PCLO: variants seen among roughly 807,000 people sequenced by gnomAD.
PCLO encodes piccolo presynaptic cytomatrix protein.
PCLO carries 82 observed loss-of-function variants against 427.5 expected under a neutral mutation model. The observed-to-expected ratio is 0.19, with a 90% CI of 0.16 to 0.23. The LOEUF is 0.23. PCLO is among the 10% of genes least tolerant of loss of function. PCLO has a pLI of 1.00. For missense variants in PCLO, 6,239 were observed against 6,115.9 expected (o/e 1.02, Z -0.67); for synonymous variants, 2,357 against 2,155.4 (o/e 1.09, Z -2.59).
At chr7:83,099,316 GA>G (rs895576739) in intron 3 of PCLO, among the ~76,000 whole-genome samples, 3 of 137,574 alleles carry the variant, frequency 2.2e-5, no homozygotes, top group African/African-American at 5.4e-5. Flanking sequence ...GATTATGAAA[GA>G]AAAAAAAATG....
At chr7:82,899,953 T>C (rs1057465787) in intron 9 of PCLO, among the ~76,000 whole-genome samples, 2 of 151,578 alleles carry the variant, frequency 1.3e-5, no homozygotes, top group African/African-American at 4.8e-5. Context: ...GAAAAAATAA[T>C]TTTGGCATTG....
chr7:82,841,051 C>A (rs1792354045), intron 14 of PCLO, among the ~76,000 whole-genome samples: 1 of 151,420 alleles, frequency 6.6e-6, no homozygotes, highest in Non-Finnish European at 1.5e-5. Context: ...ATGAAAAATA[C>A]TTCTCTACAA....
Position 82,965,914 on chromosome 7 carries a change from GTGGTTGTTTCCCTTCTTGCAC to G in PCLO, c.3853_3873del (p.Val1285_Pro1291del). On this transcript the variant is annotated inframe_deletion, in exon 4 of 25. Transcript: ENST00000333891. ...GATGGTAAACCTTCCATCTTGGTCT[GTGGTTGTTTCCCTTCTTGCAC>G]TGTCTTTGGAGCCACTCTGCCTTCA... is the stretch of plus-strand genomic sequence containing the variant. 6.2e-7 allele frequency: 1 copy of G among 1,613,900 alleles called. No individual in the cohort carries two copies. The highest frequency in any genetic ancestry group is 8.5e-7 in the Non-Finnish European group (1 of 1,179,852).
At chr7:82,798,848 A>T (rs988902401) in intron 22 of PCLO, among the ~76,000 whole-genome samples, 18 of 152,182 alleles carry the variant, frequency 1.2e-4, no homozygotes, top group African/African-American at 4.3e-4. Flanking sequence ...AATAACTCAC[A>T]TTATATTACA....
chr7:83,019,057 A>T (rs1242020700), intron 3 of PCLO, among the ~76,000 whole-genome samples: 1 of 152,054 alleles, frequency 6.6e-6, no homozygotes, highest in African/African-American at 2.4e-5. Context: ...CCTACAAAGA[A>T]AGTATAATTT....
chr7:82,783,841 C>T (rs963569185), intron 22 of PCLO, among the ~76,000 whole-genome samples: 2 of 151,870 alleles, frequency 1.3e-5, no homozygotes, highest in South Asian at 2.1e-4. Context: ...TTGCTTCTCT[C>T]TCTCTTACCC....
chr7:82,782,367 G>GA lies in PCLO; in HGVS notation c.15007+19150dup, dbSNP rs550940270. Among the ~76,000 whole-genome samples, 12 of 152,044 alleles carry GA rather than the reference G, an allele frequency of 7.9e-5. 1 individual carries two copies. In the East Asian group the frequency reaches 9.7e-4, roughly 12 times the overall value. On this transcript the variant is annotated intron_variant, in intron 22 of 24. Coordinates refer to ENST00000333891, the MANE Select transcript of PCLO (RefSeq NM_033026.6). ...GAAATAACATTCCCTTCCTTTTCCA[G>GA]AAAAAAATCTTCTATACATAAATGC...
chr7:82,904,806 A>G (rs951736137), intron 8 of PCLO, among the ~76,000 whole-genome samples: 2 of 151,948 alleles, frequency 1.3e-5, no homozygotes, highest in African/African-American at 4.8e-5. Flanking sequence ...GAACATATTA[A>G]TTTTCTTGAA....
intron 3 of PCLO, among the ~76,000 whole-genome samples, chr7:82,987,889 A>G (rs2115819907): frequency 6.6e-6 from 1 of 152,262 alleles, no homozygotes; most frequent in African/African-American, 2.4e-5. Context: ...GGGAAAAATA[A>G]GTAAAATGAA....
At chr7:82,798,746 G>C (rs565197104) in intron 22 of PCLO, among the ~76,000 whole-genome samples, 44 of 152,206 alleles carry the variant, frequency 2.9e-4, no homozygotes, top group Non-Finnish European at 5.1e-4. Context: ...TAGATACGTA[G>C]ATTATAAATT....
chr7:83,110,353 T>C (rs7786374), intron 3 of PCLO, among the ~76,000 whole-genome samples: 4,742 of 152,178 alleles, frequency 0.031, 115 homozygotes, highest in Non-Finnish European at 0.042. Flanking sequence ...CAGCTATTAA[T>C]ATGTCAATTT....
At chr7:83,093,550 T>C (rs1483976969) in intron 3 of PCLO, among the ~76,000 whole-genome samples, 3 of 142,742 alleles carry the variant, frequency 2.1e-5, no homozygotes, top group African/African-American at 5.1e-5. Context: ...TGGAGTGCAG[T>C]GGCGTGATCT....
intron 10 of PCLO, among the ~76,000 whole-genome samples, chr7:82,851,748 C>T (rs1280926023): frequency 6.6e-6 from 1 of 151,864 alleles, no homozygotes; most frequent in East Asian, 1.9e-4. Flanking sequence ...TCTCAGGAGT[C>T]TTCTATAAAG....
chr7:83,032,570 G>A (rs897231087), intron 3 of PCLO, among the ~76,000 whole-genome samples: 3 of 148,836 alleles, frequency 2.0e-5, no homozygotes, highest in Non-Finnish European at 1.5e-5. Context: ...TTTCTTCTCT[G>A]CCCTGAGCTC....
chr7:83,138,316 T>G (rs1791779475), intron 2 of PCLO, among the ~76,000 whole-genome samples: 1 of 152,228 alleles, frequency 6.6e-6, no homozygotes, highest in Non-Finnish European at 1.5e-5. Flanking sequence ...AATTCTTTTA[T>G]GCAAATATTT....
chr7:82,782,525 G>A (rs1790894771), intron 22 of PCLO, among the ~76,000 whole-genome samples: 1 of 152,110 alleles, frequency 6.6e-6, no homozygotes, highest in Non-Finnish European at 1.5e-5. Flanking sequence ...ATCTACTGTG[G>A]CAACATATGC....
chr7:83,155,865 T>A lies in PCLO; in HGVS notation c.776A>T (p.Gln259Leu). 6.2e-7 allele frequency: 1 copy of A among 1,613,986 alleles called. No homozygotes were observed. The highest frequency in any genetic ancestry group is 8.5e-7 in the Non-Finnish European group (1 of 1,179,888). Residue 259 changes from glutamine (Q) to leucine (L), a missense_variant, in exon 2 of 25, where the codon CAG becomes CTG. By Grantham distance (113) the Gln-to-Leu change is moderately radical. Transcript: ENST00000333891. ...SQPPGTGKPI[Q>L]GPTQTPQTDH... Reference sequence around the variant, plus strand: ...TGTCTGAGGAGTCTGGGTAGGACCCTGAATTGGCTTTCCTGTACCTGGAGG... The same window carrying A: ...TGTCTGAGGAGTCTGGGTAGGACCCAGAATTGGCTTTCCTGTACCTGGAGG...
In PCLO at chr7:83,162,501, C is replaced by T. The variant is rs368159454; in HGVS notation, c.92G>A (p.Ser31Asn). Residue 31 changes from serine (S) to asparagine (N), a missense_variant, in exon 1 of 25, where the codon AGC (serine) becomes AAC (asparagine). By Grantham distance (46) the Ser-to-Asn change is conservative (BLOSUM62 1). Transcript: ENST00000333891. ...AAGGGASGAG[S>N]PSHTAIPAGM... The stretch of plus-strand genomic sequence containing the variant: ...GGCCGGGATCGCGGTGTGAGAGGGG[C>T]TCCCCGCCCCGCTAGCTCCTCCTCC... 2.2e-5 allele frequency: 34 copies of T among 1,566,640 alleles called. No individual in the cohort carries two copies. The East Asian group carries it at 7.4e-4, about 34-fold the overall frequency.
intron 3 of PCLO, among the ~76,000 whole-genome samples, chr7:83,063,355 T>C (rs1358078795): frequency 1.3e-5 from 2 of 152,104 alleles, no homozygotes; most frequent in Non-Finnish European, 2.9e-5. Context: ...CCTGAAAATA[T>C]AGAAGGTCCC....
Sources: allele counts gnomAD v4.1 joint callset (sites outside exome capture counted in the v4.1 genomes callset), GRCh38; gene constraint gnomAD v4.1.1; transcripts MANE v1.5; gene names NCBI Gene and HGNC (gene_info 2026-07-23, HGNC 2026-07-21).